The following RTN3 variants were observed in gnomAD, a reference collection of about 807,000 sequenced individuals.
RTN3 encodes reticulon-3.
RTN3 carries 49 observed loss-of-function variants against 77.8 expected under a neutral mutation model. The ratio of observed to expected loss-of-function variants is 0.63; its 90% CI spans 0.50 to 0.80. The LOEUF is 0.80. Ranked by LOEUF, RTN3 falls within the 30% of genes least tolerant of loss-of-function variation. The pLI is 0.00. For missense variants in RTN3, 1,236 were observed against 1,211.9 expected (o/e 1.02, Z -0.29); for synonymous variants, 464 against 446.9 (o/e 1.04, Z -0.48).
Position 63,750,086 on chromosome 11 carries a change from A to G in RTN3, c.2626A>G (p.Ile876Val). ...GCTTTCCCTGGCAGCTTTCAGTGTC[A>G]TCAGTGTGGTTTCTTACCTCATCCT... ...MLLSLAAFSV[I>V]SVVSYLILAL... The change falls in exon 4 of 9, where the codon ATC becomes GTC. Residue 876 changes from isoleucine to valine, a missense_variant. Coordinates refer to ENST00000377819, the MANE Select transcript of RTN3 (RefSeq NM_001265589.2). 1 of 1,613,578 alleles carries G rather than the reference A, an allele frequency of 6.2e-7. No homozygotes were observed. Among genetic ancestry groups the G allele is most frequent in the Non-Finnish European group, 8.5e-7 (1 of 1,179,648 alleles).
intron 1 of RTN3, among the ~76,000 whole-genome samples, chr11:63,683,423 C>T (rs1046969498): frequency 2.2e-4 from 34 of 152,004 alleles, no homozygotes; most frequent in African/African-American, 2.9e-4. Flanking sequence ...TGATTCAGAC[C>T]TAAGTTTTAG....
chr11:63,686,053 G>T (rs1941353144), intron 1 of RTN3, among the ~76,000 whole-genome samples: 1 of 152,186 alleles, frequency 6.6e-6, no homozygotes, highest in Non-Finnish European at 1.5e-5. Flanking sequence ...AGGTAAAAGA[G>T]ACTGAAATAT....
chr11:63,711,040 G>T (rs1209295430), intron 2 of RTN3, among the ~76,000 whole-genome samples: 9 of 152,130 alleles, frequency 5.9e-5, no homozygotes, highest in Non-Finnish European at 1.2e-4. Context: ...GCACTTGTGG[G>T]AGGCCGAGGC....
chr11:63,733,755 G>T (rs781154068), intron 3 of RTN3, among the ~76,000 whole-genome samples: 1 of 151,594 alleles, frequency 6.6e-6, no homozygotes, highest in African/African-American at 2.4e-5. Flanking sequence ...GGTGGCGGTG[G>T]TGGTGTGTGT....
chr11:63,710,888 G>T (rs7128970), intron 2 of RTN3, among the ~76,000 whole-genome samples: 16,637 of 152,194 alleles, frequency 0.11, 1,029 homozygotes, highest in South Asian at 0.16. Context: ...GGCTGTCTTT[G>T]TGCTCGGTTA....
chr11:63,687,415 G>A (rs936470090), intron 1 of RTN3, among the ~76,000 whole-genome samples: 5 of 152,142 alleles, frequency 3.3e-5, no homozygotes, highest in Admixed American at 6.5e-5. Flanking sequence ...TCAAGAGTTC[G>A]AGACCAGCCT....
chr11:63,684,980 G>A (rs1345702613), intron 1 of RTN3, among the ~76,000 whole-genome samples: 1 of 149,580 alleles, frequency 6.7e-6, no homozygotes, highest in East Asian at 2.1e-4. Flanking sequence ...GGCTGGTCTT[G>A]AACTCCTGAC....
chr11:63,736,623 G>A (rs1372091106), intron 3 of RTN3, among the ~76,000 whole-genome samples: 5 of 152,176 alleles, frequency 3.3e-5, no homozygotes, highest in African/African-American at 1.2e-4. Flanking sequence ...GGGAGGCGGA[G>A]GTTGCAGTGA....
chr11:63,702,667 T>G (rs1249420391), intron 1 of RTN3, among the ~76,000 whole-genome samples: 1 of 149,166 alleles, frequency 6.7e-6, no homozygotes, highest in East Asian at 2.0e-4. Flanking sequence ...CACACTGCAC[T>G]TTGTTTTTGT....
At position 63,705,516 on chromosome 11, in the gene RTN3, G is replaced by A. The variant is rs189349737; in HGVS notation, c.199+609G>A. ...CAACAGCAACAAAATTGTGGCTCAG[G>A]AAACACCCAACCCCTAGAATGCATT... On this transcript the variant is annotated intron_variant, in intron 2 of 8. Coordinates refer to ENST00000377819, the MANE Select transcript of RTN3 (RefSeq NM_001265589.2). Among the ~76,000 whole-genome samples the A allele has an allele frequency of 3.8e-3, 581 of 152,276 alleles. 2 individuals are homozygous for A. The highest frequency in any genetic ancestry group is 5.5e-3 in the Non-Finnish European group (372 of 68,024).
chr11:63,685,370 C>T (rs559984545), intron 1 of RTN3, among the ~76,000 whole-genome samples: 1 of 151,558 alleles, frequency 6.6e-6, no homozygotes, highest in South Asian at 2.1e-4. Context: ...GTGACGGGCA[C>T]CTGTAGTCTC....
chr11:63,731,412 G>T (rs370839122), intron 3 of RTN3, among the ~76,000 whole-genome samples: 2 of 152,176 alleles, frequency 1.3e-5, no homozygotes, highest in African/African-American at 4.8e-5. Flanking sequence ...TACAAAATAT[G>T]TTCTAAGGCC....
At chr11:63,734,027 T>C (rs1209984829) in intron 3 of RTN3, among the ~76,000 whole-genome samples, 2 of 152,220 alleles carry the variant, frequency 1.3e-5, no homozygotes, top group African/African-American at 4.8e-5. Context: ...GATATCCTTT[T>C]CTGATAGAAT....
intron 3 of RTN3, among the ~76,000 whole-genome samples, chr11:63,746,157 A>T (rs2013782309): frequency 6.6e-6 from 1 of 152,136 alleles, no homozygotes; most frequent in South Asian, 2.1e-4. Flanking sequence ...TGTCGTCTTT[A>T]TCCCTTTTCC....
chr11:63,694,139 T>C (rs1036992339), intron 1 of RTN3, among the ~76,000 whole-genome samples: 2 of 151,830 alleles, frequency 1.3e-5, no homozygotes, highest in Non-Finnish European at 2.9e-5. Context: ...AAGGCTGGGG[T>C]ATTAAGATAT....
intron 1 of RTN3, among the ~76,000 whole-genome samples, chr11:63,686,634 G>A (rs1941390151): frequency 6.6e-6 from 1 of 152,088 alleles, no homozygotes; most frequent in South Asian, 2.1e-4. Context: ...AGACCAGCCT[G>A]GACAATAGTG....
chr11:63,714,950 T>G (rs2011309105), intron 2 of RTN3, among the ~76,000 whole-genome samples: 1 of 152,190 alleles, frequency 6.6e-6, no homozygotes, highest in African/African-American at 2.4e-5. Context: ...TTTGGAGTAT[T>G]AAAGGTTCAA....
chr11:63,717,375 CTTTTTTTTTTTTTTT>C (rs1187530525), intron 2 of RTN3, among the ~76,000 whole-genome samples: 1 of 75,164 alleles, frequency 1.3e-5, no homozygotes, highest in Non-Finnish European at 2.6e-5. Context: ...TTAACTCTGT[CTTTTTTTTTTTTTTT>C]TTTTTTTTTT....
In RTN3 at chr11:63,681,663, G is replaced by A. The variant is rs1565292599; in HGVS notation, c.27G>A (p.Gln9=). The A allele has an allele frequency of 6.2e-7, 1 of 1,611,066 alleles. No individual in the cohort carries two copies. The highest frequency in any genetic ancestry group is 8.5e-7 in the Non-Finnish European group (1 of 1,178,506). The change falls in exon 1 of 9, where the codon CAG becomes CAA. Residue 9 remains glutamine (Q), a synonymous_variant. Transcript: ENST00000377819. MAEPSAAT[Q]SHSISSSSFG... ...TGGCGGAGCCGTCGGCGGCCACTCA[G>A]TCCCATTCCATCTCCTCGTCGTCCT...
Sources: allele counts gnomAD v4.1 joint callset (sites outside exome capture counted in the v4.1 genomes callset), GRCh38; gene constraint gnomAD v4.1.1; transcripts MANE v1.5; gene names NCBI Gene and HGNC (gene_info 2026-07-23, HGNC 2026-07-21).